The following MYO16 variants were observed in gnomAD, a reference collection of about 807,000 sequenced individuals.
MYO16 encodes unconventional myosin-XVI.
Under a neutral mutation model 205.3 loss-of-function variants are expected in MYO16, and 94 were observed. The ratio of observed to expected loss-of-function variants is 0.46; its 90% CI spans 0.39 to 0.54. The LOEUF (loss-of-function observed/expected upper bound fraction) is 0.54. MYO16 is among the 20% of genes least tolerant of loss of function. The pLI, the probability that MYO16 is intolerant of heterozygous loss-of-function variation, is 0.00. For synonymous variants in MYO16, 988 were observed against 954.0 expected (o/e 1.04, Z -0.66); for missense variants, 2,315 against 2,387.5 (o/e 0.97, Z 0.63).
the MYO16 span, among the ~76,000 whole-genome samples, chr13:108,586,357 A>T: frequency 0.027 from 4,061 of 152,176 alleles, 170 homozygotes; most frequent in African/African-American, 0.091. Context: ...TAAAAAATAT[A>T]TTTTTTCAGA....
chr13:108,883,124 C>T lies in MYO16; in HGVS notation c.1491C>T (p.Ser497=), dbSNP rs1269190818. ...CCTCGCTGCCTCCTCACCTCTTCTC[C>T]TGTGTGGAGAGAGCCTTTCACCAGC... The part of the protein sequence containing the change: ...LCSSLPPHLF[S]CVERAFHQLF... The change falls in exon 13 of 35, where the codon TCC becomes TCT. Residue 497 remains serine, a synonymous_variant. Coordinates refer to ENST00000457511, the MANE Select transcript of MYO16 (RefSeq NM_001198950.3). 4 of 1,613,970 alleles carry T rather than the reference C, an allele frequency of 2.5e-6. No homozygotes were observed. The African/African-American group carries it at 5.3e-5, about 22-fold the overall frequency.
chr13:109,054,250 G>T, intron 25 of MYO16: 1 of 317,600 alleles, frequency 3.1e-6, no homozygotes, highest in Non-Finnish European at 6.4e-6. Flanking sequence ...TTCTTTTCAG[G>T]GCTGCACATA....
At chr13:108,567,117 A>T in the MYO16 span, among the ~76,000 whole-genome samples, 3 of 152,300 alleles carry the variant, frequency 2.0e-5, no homozygotes, top group Admixed American at 6.5e-5. Context: ...TTTGTTTGCC[A>T]TATAAGTTGG....
At chr13:108,665,419 T>C (rs888043131) in intron 1 of MYO16, among the ~76,000 whole-genome samples, 1 of 152,148 alleles carries the variant, frequency 6.6e-6, no homozygotes, top group African/African-American at 2.4e-5. Context: ...GCAGCATATA[T>C]ATTCTATTAC....
At chr13:108,920,936 C>G (rs1881721965) in intron 16 of MYO16, among the ~76,000 whole-genome samples, 1 of 152,174 alleles carries the variant, frequency 6.6e-6, no homozygotes, top group African/African-American at 2.4e-5. Flanking sequence ...CCTCATAGAC[C>G]AATGCAGTTT....
chr13:108,886,197 C>G (rs958200875), intron 13 of MYO16, among the ~76,000 whole-genome samples: 6 of 152,230 alleles, frequency 3.9e-5, no homozygotes, highest in African/African-American at 1.4e-4. Flanking sequence ...CCGTGTTAGC[C>G]AGGATGGTCT....
intron 4 of MYO16, among the ~76,000 whole-genome samples, chr13:108,746,989 A>G (rs9521003): frequency 0.39 from 58,764 of 152,034 alleles, 11,811 homozygotes; most frequent in East Asian, 0.55. Context: ...GAAAGCAAGA[A>G]GAGTGGAGTG....
At chr13:109,009,717 G>A (rs1885528118) in intron 22 of MYO16, among the ~76,000 whole-genome samples, 1 of 152,108 alleles carries the variant, frequency 6.6e-6, no homozygotes, top group African/African-American at 2.4e-5. Flanking sequence ...TCAGCTATTT[G>A]GAGAATATGT....
chr13:109,048,230 C>A (rs907083648), intron 24 of MYO16: 1 of 544,652 alleles, frequency 1.8e-6, no homozygotes, highest in Non-Finnish European at 3.4e-6. Flanking sequence ...GATGGCTAGT[C>A]TGCTTATCTT....
At chr13:108,708,022 A>G (rs1883579892) in intron 2 of MYO16, among the ~76,000 whole-genome samples, 1 of 152,216 alleles carries the variant, frequency 6.6e-6, no homozygotes, top group Admixed American at 6.5e-5. Flanking sequence ...GTAATCAGAT[A>G]TCCCAGCCTG....
chr13:108,604,158 A>G (rs1214712551), intron 1 of MYO16, among the ~76,000 whole-genome samples: 1 of 152,172 alleles, frequency 6.6e-6, no homozygotes, highest in Non-Finnish European at 1.5e-5. Flanking sequence ...AACTACCCCC[A>G]TGATTAATCA....
intron 4 of MYO16, among the ~76,000 whole-genome samples, chr13:108,747,649 A>ATAGT (rs1885107803): frequency 6.6e-6 from 1 of 152,200 alleles, no homozygotes; most frequent in Non-Finnish European, 1.5e-5. Context: ...ATACATGGAA[A>ATAGT]TAGTTACAAA....
At chr13:108,735,824 T>G (rs1009698072) in intron 4 of MYO16, among the ~76,000 whole-genome samples, 1 of 151,782 alleles carries the variant, frequency 6.6e-6, no homozygotes, top group African/African-American at 2.4e-5. Flanking sequence ...GACTTTTTAA[T>G]GATCACCATT....
At chr13:108,742,739 A>G (rs1042100720) in intron 4 of MYO16, among the ~76,000 whole-genome samples, 1 of 152,196 alleles carries the variant, frequency 6.6e-6, no homozygotes, top group Non-Finnish European at 1.5e-5. Flanking sequence ...CAGCATGTAC[A>G]TATTTACATG....
intron 1 of MYO16, among the ~76,000 whole-genome samples, chr13:108,647,832 C>T (rs1300633877): frequency 1.3e-5 from 2 of 152,166 alleles, no homozygotes; most frequent in African/African-American, 4.8e-5. Flanking sequence ...TGTCTAAATA[C>T]AAAGCTTTGC....
intron 27 of MYO16, among the ~76,000 whole-genome samples, chr13:109,078,990 G>A (rs1471842371): frequency 6.6e-6 from 1 of 152,090 alleles, no homozygotes; most frequent in African/African-American, 2.4e-5. Flanking sequence ...TTGAGAGGGA[G>A]CCTCTGAAAA....
intron 1 of MYO16, among the ~76,000 whole-genome samples, chr13:108,600,853 C>T (rs767239825): frequency 2.6e-5 from 4 of 152,092 alleles, no homozygotes; most frequent in South Asian, 2.1e-4. Flanking sequence ...TATTTTACTA[C>T]GGTTTTTTAA....
Position 109,055,104 on chromosome 13 carries a change from T to C in MYO16, c.3107T>C (p.Val1036Ala), listed in dbSNP as rs1427748789. 2 of 1,588,222 alleles carry C rather than the reference T, an allele frequency of 1.3e-6. No homozygotes were observed. Among genetic ancestry groups the C allele is most frequent in the South Asian group, 2.3e-5 (2 of 86,098 alleles). ...CAAAGATTGGAACGAGGAGATCCAG[T>C]CACCATAGCATCACAACTCAGGGTT... ...FLQRLERGDP[V>A]TIASQLRKSL... The change falls in exon 26 of 35, where the codon GTC (valine) becomes GCC (alanine). Residue 1036 changes from valine (V) to alanine (A), a missense_variant. Val to Ala is a moderately conservative substitution (Grantham distance 64). Transcript: ENST00000457511. This position sits in a 1 kb window ranked among gnomAD's most constrained non-coding sequence, Gnocchi z 5.0.
At chr13:109,112,538 C>G (rs1299936204) in intron 28 of MYO16, among the ~76,000 whole-genome samples, 1 of 152,052 alleles carries the variant, frequency 6.6e-6, no homozygotes, top group Non-Finnish European at 1.5e-5. Context: ...GGTGGTTCAC[C>G]TGGGGTCAGG....
Sources: gnomAD v4.1 joint callset for allele counts (sites outside exome capture counted in the v4.1 genomes callset) on GRCh38, gnomAD v4.1.1 for gene constraint, Gnocchi (gnomAD v3.1) non-coding constraint, MANE v1.5 for transcripts, NCBI Gene and HGNC (gene_info 2026-07-23, HGNC 2026-07-21) for gene names.